The following EFHC1 variants were observed in gnomAD, a reference collection of about 807,000 sequenced individuals.
EFHC1 encodes the protein EF-hand domain-containing protein 1.
EFHC1 carries 53 observed loss-of-function variants against 69.9 expected under a neutral mutation model. The ratio of observed to expected loss-of-function variants is 0.76; its 90% CI spans 0.61 to 0.95. EFHC1 has a LOEUF of 0.95. Among genes scored for constraint, EFHC1 ranks in the 40% least tolerant of loss-of-function variants. The probability of loss-of-function intolerance (pLI) is 0.00; values close to 1 mark genes in which losing one functional copy is unlikely to be tolerated. For synonymous variants in EFHC1, 256 were observed against 278.4 expected (o/e 0.92, Z 0.80); for missense variants, 739 against 798.7 (o/e 0.93, Z 0.90).
intron 3 of EFHC1, among the ~76,000 whole-genome samples, chr6:52,450,573 T>A (rs1764893173): frequency 6.6e-6 from 1 of 152,108 alleles, no homozygotes; most frequent in Non-Finnish European, 1.5e-5. Context: ...TTCTTTGTCT[T>A]TTTTGATCTT....
intron 6 of EFHC1, 148 bp downstream of exon 6, chr6:52,465,263 CAAAA>C (rs748999718): frequency 1.4e-5 from 10 of 698,830 alleles, no homozygotes; most frequent in South Asian, 5.6e-5. Flanking sequence ...ATACAAATGA[CAAAA>C]AAATTATGAG....
In EFHC1 at chr6:52,492,389, T is replaced by G. The variant is rs776386841; in HGVS notation, c.*48T>G. The G allele has an allele frequency of 2.6e-6, 4 of 1,532,304 alleles. No homozygotes were observed. The highest frequency in any genetic ancestry group is 3.6e-6 in the Non-Finnish European group (4 of 1,107,826). 94.9% of individuals were successfully genotyped at this position (1,532,304 alleles called of 1,614,324 possible). ...ACAATTTTTGATACTGGAACTATGC[T>G]TTGAAATACACCTTACACTCTTCAT... On this transcript the variant is annotated 3_prime_UTR_variant, in exon 11 of 11. Coordinates refer to ENST00000371068, the MANE Select transcript of EFHC1 (RefSeq NM_018100.4).
At chr6:52,460,145 TTAACAG>T (rs1765132766) in intron 5 of EFHC1, among the ~76,000 whole-genome samples, 1 of 152,180 alleles carries the variant, frequency 6.6e-6, no homozygotes, top group Admixed American at 6.5e-5. Flanking sequence ...CAAATGTCTA[TTAACAG>T]TTAGTGAGTA....
intron 10 of EFHC1, 90 bp downstream of exon 10, chr6:52,490,440 A>G (rs1177360135): frequency 3.2e-5 from 36 of 1,119,452 alleles, no homozygotes; most frequent in East Asian, 2.6e-4. Flanking sequence ...TTTCACTACA[A>G]CTGGGCCAGA....
chr6:52,461,061 A>T (rs1277281146), intron 5 of EFHC1, among the ~76,000 whole-genome samples: 5 of 152,192 alleles, frequency 3.3e-5, no homozygotes, highest in Admixed American at 3.3e-4. Flanking sequence ...TAAATATATA[A>T]CAAGTTTTGA....
chr6:52,451,990 A>G (rs1764925600), intron 3 of EFHC1, among the ~76,000 whole-genome samples: 1 of 152,232 alleles, frequency 6.6e-6, no homozygotes, highest in Non-Finnish European at 1.5e-5. Flanking sequence ...TAGGAATTAC[A>G]TATTGTTTGA....
chr6:52,459,320 T>C (rs1765110154), intron 5 of EFHC1, among the ~76,000 whole-genome samples: 2 of 152,170 alleles, frequency 1.3e-5, no homozygotes, highest in Admixed American at 6.5e-5. Context: ...GTAAAACATA[T>C]TTGAGAAGGT....
At chr6:52,490,759 G>C in intron 10 of EFHC1, 1 of 293,916 alleles carries the variant, frequency 3.4e-6, no homozygotes, top group Non-Finnish European at 6.4e-6. Context: ...ATGAAAGAAG[G>C]CATGACCACT....
chr6:52,460,070 A>C (rs1385580545), intron 5 of EFHC1, among the ~76,000 whole-genome samples: 16 of 152,232 alleles, frequency 1.1e-4, no homozygotes, highest in Non-Finnish European at 2.1e-4. Flanking sequence ...ACATATGTCC[A>C]CACAGAAACT....
chr6:52,474,990 T>G (rs146379254), intron 7 of EFHC1, among the ~76,000 whole-genome samples: 1 of 150,116 alleles, frequency 6.7e-6, no homozygotes, highest in Admixed American at 6.6e-5. Flanking sequence ...CATTTTGATA[T>G]TTTTATTGTT....
rs553498729 is a variant in EFHC1 at position 52,442,031 on chromosome 6, T to C, written c.573+3440T>C. Among the ~76,000 whole-genome samples the C allele has an allele frequency of 1.4e-4, 21 of 152,308 alleles. No homozygotes were observed. In the East Asian group the frequency reaches 3.7e-3, roughly 27 times the overall value. ...GCTCTGGAGTTTTCTAGATATAGAA[T>C]CATGTTTTCTCCAAACAGGGATAGT... On this transcript the variant is annotated intron_variant, in intron 3 of 10. Coordinates refer to ENST00000371068, the MANE Select transcript of EFHC1 (RefSeq NM_018100.4).
At chr6:52,478,289 G>T (rs866419899) in intron 7 of EFHC1, among the ~76,000 whole-genome samples, 150 of 152,042 alleles carry the variant, frequency 9.9e-4, no homozygotes, top group African/African-American at 3.5e-3. Context: ...GTGGGAGGAG[G>T]GGGGAGGGAT....
chr6:52,423,146 C>A (rs1764226875), intron 1 of EFHC1, among the ~76,000 whole-genome samples: 1 of 152,148 alleles, frequency 6.6e-6, no homozygotes, highest in African/African-American at 2.4e-5. Context: ...TAAATATATA[C>A]CATCCAGTTG....
At chr6:52,491,311 A>G (rs1232066983) in intron 10 of EFHC1, among the ~76,000 whole-genome samples, 1 of 152,188 alleles carries the variant, frequency 6.6e-6, no homozygotes, top group African/African-American at 2.4e-5. Context: ...GTCATTGGCA[A>G]GTGGAGCAGG....
chr6:52,420,953 G>C (rs989582644), intron 1 of EFHC1: 94 of 1,006,176 alleles, frequency 9.3e-5, no homozygotes, highest in Non-Finnish European at 4.5e-5. Flanking sequence ...CCACAGGTCC[G>C]TCATTCCCGC....
At chr6:52,422,209 C>T (rs1764206278) in intron 1 of EFHC1, among the ~76,000 whole-genome samples, 1 of 152,086 alleles carries the variant, frequency 6.6e-6, no homozygotes, top group African/African-American at 2.4e-5. Flanking sequence ...GTTGCCTTGC[C>T]TGGGGTGTCT....
At position 52,473,666 on chromosome 6, in the gene EFHC1, C is replaced by T. The variant is rs542902037; in HGVS notation, c.1278+4193C>T. On this transcript the variant is annotated intron_variant, in intron 7 of 10. Transcript: ENST00000371068. ...GCATGTTAGTGCACGCCTGTAGTCC[C>T]AGCCACTTGGGAGGCTGAGGCAGGA... 1.3e-4 allele frequency among the ~76,000 whole-genome samples: 20 copies of T among 152,136 alleles called. No homozygotes were observed. In the South Asian group the frequency reaches 4.0e-3, roughly 30 times the overall value.
intron 9 of EFHC1, chr6:52,489,197 T>G (rs1765846295): frequency 6.6e-6 from 1 of 152,198 alleles, no homozygotes; most frequent in African/African-American, 2.4e-5. Context: ...GGTAGATTGA[T>G]AGTTTTCAAG....
intron 5 of EFHC1, among the ~76,000 whole-genome samples, chr6:52,463,830 GA>G (rs1274065458): frequency 6.6e-6 from 1 of 152,192 alleles, no homozygotes; most frequent in Non-Finnish European, 1.5e-5. Flanking sequence ...GTAGGGTTGA[GA>G]ATAGACATAG....
Sources: allele counts gnomAD v4.1 joint callset (sites outside exome capture counted in the v4.1 genomes callset), GRCh38; gene constraint gnomAD v4.1.1; transcripts MANE v1.5; gene names NCBI Gene and HGNC (gene_info 2026-07-23, HGNC 2026-07-21).